SLF1: variants seen among roughly 807,000 people sequenced by gnomAD.
The protein encoded by SLF1 is SMC5-SMC6 complex localization factor protein 1.
A neutral mutation model predicts 123.0 loss-of-function variants in SLF1; 105 were observed. The observed-to-expected ratio is 0.85, with a 90% CI of 0.73 to 1.00. SLF1 has a LOEUF of 1.00. SLF1 is among the 50% of genes least tolerant of loss of function. The probability of loss-of-function intolerance (pLI) is 0.00; values close to 1 mark genes in which losing one functional copy is unlikely to be tolerated. For missense variants in SLF1, 1,239 were observed against 1,223.0 expected (o/e 1.01, Z -0.20); for synonymous variants, 434 against 406.6 (o/e 1.07, Z -0.81).
At chr5:94,666,763 A>G (rs1415973399) in intron 12 of SLF1, among the ~76,000 whole-genome samples, 1 of 152,026 alleles carries the variant, frequency 6.6e-6, no homozygotes, top group Non-Finnish European at 1.5e-5. Context: ...TAGCCTTCCA[A>G]GTAGCTAGAG....
intron 4 of SLF1, among the ~76,000 whole-genome samples, chr5:94,632,264 T>C (rs984135106): frequency 1.3e-5 from 2 of 152,188 alleles, no homozygotes; most frequent in Non-Finnish European, 2.9e-5. Context: ...ATATCTACCT[T>C]ATACCAACAC....
At chr5:94,628,379 C>T (rs1293648411) in intron 1 of SLF1, among the ~76,000 whole-genome samples, 5 of 151,486 alleles carry the variant, frequency 3.3e-5, no homozygotes, top group South Asian at 2.1e-4. Flanking sequence ...CCTCGTGATC[C>T]GCCGGCCTCG....
At chr5:94,667,182 G>A (rs1301178572) in intron 12 of SLF1, among the ~76,000 whole-genome samples, 1 of 152,052 alleles carries the variant, frequency 6.6e-6, no homozygotes, top group African/African-American at 2.4e-5. Flanking sequence ...CGGAGAGCCA[G>A]ACACTGTACT....
intron 9 of SLF1, among the ~76,000 whole-genome samples, chr5:94,656,246 T>C (rs1047747137): frequency 6.6e-6 from 1 of 151,960 alleles, no homozygotes; most frequent in Non-Finnish European, 1.5e-5. Context: ...AATTTACTTA[T>C]TTGTGTATGT....
Position 94,653,374 on chromosome 5 carries a change from G to T in SLF1, c.985G>T (p.Glu329Ter), listed in dbSNP as rs1561444205. Residue 329 changes from glutamate to a stop codon, truncating the protein, a stop_gained, in exon 8 of 21, where the codon GAA becomes TAA. Transcript: ENST00000265140. LOFTEE classifies it high-confidence loss of function. ...CAATTGCAAGAAAGGCGTTGAACATGAAAAAATAAAAAGTACCTTAAGAAG... is the reference window on the plus strand; with the variant it reads ...CAATTGCAAGAAAGGCGTTGAACATTAAAAAATAAAAAGTACCTTAAGAAG... ...ESNCKKGVEHEKIKSTLRRHI... is the reference protein window; with the variant it reads ...ESNCKKGVEH 4 of 1,524,756 alleles carry T rather than the reference G, an allele frequency of 2.6e-6. No homozygotes were observed. The South Asian group carries it at 3.8e-5, about 15-fold the overall frequency. 94.5% of individuals were successfully genotyped at this position (1,524,756 alleles called of 1,614,324 possible).
At chr5:94,619,612 TTG>T (rs1255438168) in intron 1 of SLF1, among the ~76,000 whole-genome samples, 5 of 85,542 alleles carry the variant, frequency 5.8e-5, no homozygotes, top group African/African-American at 2.3e-4. Flanking sequence ...TTAAAAAATT[TTG>T]TTGTTGTTGT....
chr5:94,628,688 C>T (rs183849824), intron 1 of SLF1, 123 bp from the exon 2 acceptor site: 7,215 of 528,972 alleles, frequency 0.014, 69 homozygotes, highest in South Asian at 0.02. Flanking sequence ...CTGTGCCTAA[C>T]ATCTTTAATT....
chr5:94,623,669 C>G (rs946110997), intron 1 of SLF1, among the ~76,000 whole-genome samples: 1 of 152,080 alleles, frequency 6.6e-6, no homozygotes, highest in Non-Finnish European at 1.5e-5. Flanking sequence ...TCTTGATCCT[C>G]CCTACCTCAG....
chr5:94,630,727 A>G lies in SLF1; in HGVS notation c.415A>G (p.Ser139Gly). ...CCTCCTTGTTAGAACTGATAAGCGAAGTGATTCTCTTATAAGGTAGGATGT... is the reference window on the plus strand; with the variant it reads ...CCTCCTTGTTAGAACTGATAAGCGAGGTGATTCTCTTATAAGGTAGGATGT... ...VVLLVRTDKR[S>G]DSLIRVLEAG... Residue 139 changes from serine to glycine, a missense_variant, in exon 4 of 21, where the codon AGT (serine) becomes GGT (glycine). Coordinates refer to ENST00000265140, the MANE Select transcript of SLF1 (RefSeq NM_032290.4). 1 of 1,551,412 alleles carries G rather than the reference A, an allele frequency of 6.4e-7. No homozygotes were observed. Among genetic ancestry groups the G allele is most frequent in the East Asian group, 2.4e-5 (1 of 40,906 alleles).
rs574971813 is a variant in SLF1, at chr5:94,662,316, A to G, written c.1174A>G (p.Ile392Val). ...YRAQAVRYNC[I>V]RIDKQPVYNV... is the part of the protein sequence containing the mutation. Reference sequence around the variant, plus strand: ...TTTGTAGGCTGTCAGATACAACTGCATTAGAATAGATAAACAACCAGTGTA... The same window carrying G: ...TTTGTAGGCTGTCAGATACAACTGCGTTAGAATAGATAAACAACCAGTGTA... The change falls in exon 10 of 21, where the codon ATT becomes GTT. Residue 392 changes from isoleucine to valine, a missense_variant. By Grantham distance (29) the Ile-to-Val change is conservative. Transcript: ENST00000265140. 2.6e-6 allele frequency: 4 copies of G among 1,550,034 alleles called. No individual in the cohort carries two copies. In the South Asian group the frequency reaches 4.8e-5, roughly 18 times the overall value.
intron 16 of SLF1, 144 bp downstream of exon 16, chr5:94,686,862 A>G (rs1413916780): frequency 1.1e-6 from 1 of 951,546 alleles, no homozygotes; most frequent in South Asian, 1.9e-5. Context: ...ATCGCGGCTC[A>G]CTGTAAGCTC....
intron 12 of SLF1, among the ~76,000 whole-genome samples, chr5:94,666,757 C>T (rs1749805252): frequency 6.6e-6 from 1 of 152,124 alleles, no homozygotes; most frequent in African/African-American, 2.4e-5. Flanking sequence ...ATGCCTTAGC[C>T]TTCCAAGTAG....
At chr5:94,646,962 G>A (rs1419967951) in intron 5 of SLF1, among the ~76,000 whole-genome samples, 1 of 152,118 alleles carries the variant, frequency 6.6e-6, no homozygotes, top group Non-Finnish European at 1.5e-5. Flanking sequence ...TTCATGTGTG[G>A]TATGTATTAT....
chr5:94,643,244 A>C lies in SLF1; in HGVS notation c.432-29A>C, dbSNP rs116052021. ...ACTAAAGAAACTCAAATTTTCTAAT[A>C]CTTTTATACCATTTACATTTTTATT... On this transcript the variant is annotated intron_variant, in intron 4 of 20. Transcript: ENST00000265140. 2.6e-3 allele frequency: 3,800 copies of C among 1,447,160 alleles called. 90 individuals carry two copies. In the African/African-American group the frequency reaches 0.048, roughly 18 times the overall value. The allele number at this position is 1,447,160 out of a possible 1,614,324, so 89.6% of individuals were successfully genotyped here.
chr5:94,651,716 T>C lies in SLF1; in HGVS notation c.753T>C (p.Asn251=). The C allele has an allele frequency of 6.6e-7, 1 of 1,522,720 alleles. No individual in the cohort carries two copies. The highest frequency in any genetic ancestry group is 1.4e-5 in the African/African-American group (1 of 71,346). The allele number at this position is 1,522,720 out of a possible 1,614,324, so 94.3% of individuals were successfully genotyped here. ...CAAACACGCAGAAAGAAATGCAAAA[T>C]CATGAAGATGTTAATGTTGGTTCTA... ...TMYRTQKEMQ[N]HEDVNVGSIL... The change falls in exon 7 of 21, where the codon AAT becomes AAC. Residue 251 remains asparagine (N), a synonymous_variant. Coordinates refer to ENST00000265140, the MANE Select transcript of SLF1 (RefSeq NM_032290.4).
At chr5:94,668,254 C>T (rs140238673) in intron 12 of SLF1, among the ~76,000 whole-genome samples, 238 of 152,318 alleles carry the variant, frequency 1.6e-3, no homozygotes, top group African/African-American at 5.4e-3. Context: ...CACTCTCCTG[C>T]CTCAGCCTCC....
intron 1 of SLF1, 148 bp downstream of exon 1, chr5:94,618,913 C>T (rs1442333527): frequency 6.5e-6 from 1 of 153,698 alleles, no homozygotes; most frequent in Admixed American, 6.5e-5. Flanking sequence ...CTGGCTCTCG[C>T]GCTTTCTCCA....
chr5:94,693,298 G>GT (rs1044113311), intron 20 of SLF1, among the ~76,000 whole-genome samples: 24 of 151,572 alleles, frequency 1.6e-4, no homozygotes, highest in African/African-American at 2.7e-4. Flanking sequence ...CTTCTACCTT[G>GT]TTTTTTTTAG....
At chr5:94,688,797 TA>T in intron 17 of SLF1, 128 bp downstream of exon 17, 1 of 985,072 alleles carries the variant, frequency 1.0e-6, no homozygotes, top group Non-Finnish European at 1.4e-6. Flanking sequence ...AACTCAATTT[TA>T]GATCTATTTG....
Sources: gnomAD v4.1 joint callset for allele counts (sites outside exome capture counted in the v4.1 genomes callset) on GRCh38, gnomAD v4.1.1 for gene constraint, MANE v1.5 for transcripts, NCBI Gene and HGNC (gene_info 2026-07-23, HGNC 2026-07-21) for gene names.